MTA3: variants seen among roughly 807,000 people sequenced by gnomAD.
The protein encoded by MTA3 is metastasis-associated protein MTA3.
In MTA3, 34 loss-of-function variants were observed where a neutral mutation model predicts 83.5. The ratio of observed to expected loss-of-function variants is 0.41; its 90% CI spans 0.31 to 0.54. The LOEUF is 0.54. Among genes scored for constraint, MTA3 ranks in the 20% least tolerant of loss-of-function variants. The probability of loss-of-function intolerance (pLI) is 0.33; values close to 1 mark genes in which losing one functional copy is unlikely to be tolerated. For synonymous variants in MTA3, 303 were observed against 252.7 expected (o/e 1.20, Z -1.89); for missense variants, 761 against 726.4 (o/e 1.05, Z -0.55).
chr2:42,680,710 C>T (rs1027825759), intron 8 of MTA3, among the ~76,000 whole-genome samples: 3 of 152,128 alleles, frequency 2.0e-5, no homozygotes, highest in South Asian at 2.1e-4. Context: ...TTTCAAACCT[C>T]GAAGTTTTGG....
intron 3 of MTA3, among the ~76,000 whole-genome samples, chr2:42,585,476 C>CTTTTT (rs35808147): frequency 1.2e-4 from 14 of 119,004 alleles, no homozygotes; most frequent in Admixed American, 1.9e-4. Context: ...TCTTTCTTTT[C>CTTTTT]TTTTTTTTTT....
At chr2:42,636,861 G>C (rs188973930) in intron 4 of MTA3, among the ~76,000 whole-genome samples, 1 of 151,984 alleles carries the variant, frequency 6.6e-6, no homozygotes. Context: ...TCCTGACCTC[G>C]TGACCCGCCC....
chr2:42,619,867 C>T (rs1243999397), intron 4 of MTA3, among the ~76,000 whole-genome samples: 2 of 152,002 alleles, frequency 1.3e-5, no homozygotes, highest in African/African-American at 2.4e-5. Flanking sequence ...GGTACCAGGC[C>T]GAGCTAGTTA....
At chr2:42,601,876 G>T (rs117040162) in intron 3 of MTA3, among the ~76,000 whole-genome samples, 2 of 152,072 alleles carry the variant, frequency 1.3e-5, no homozygotes, top group Non-Finnish European at 2.9e-5. Context: ...GTCTTGCTCT[G>T]TTGTCCAGGT....
chr2:42,601,971 C>G (rs1348440704), intron 3 of MTA3, among the ~76,000 whole-genome samples: 1 of 152,186 alleles, frequency 6.6e-6, no homozygotes. Flanking sequence ...CCCTGAGTAG[C>G]TGGGATTACA....
At chr2:42,645,299 T>C (rs1295815361) in intron 6 of MTA3, among the ~76,000 whole-genome samples, 3 of 150,202 alleles carry the variant, frequency 2.0e-5, no homozygotes, top group African/African-American at 7.4e-5. Flanking sequence ...CCGCAGCAGG[T>C]GGATTACTTG....
intron 2 of MTA3, among the ~76,000 whole-genome samples, chr2:42,501,286 A>G (rs1674384719): frequency 6.6e-6 from 1 of 152,192 alleles, no homozygotes; most frequent in Non-Finnish European, 1.5e-5. Context: ...CTCTGGTCCT[A>G]TCTCTAGGCT....
intron 2 of MTA3, among the ~76,000 whole-genome samples, chr2:42,504,009 C>T (rs1259523475): frequency 2.0e-5 from 3 of 149,750 alleles, no homozygotes; most frequent in East Asian, 1.9e-4. Context: ...CTGCAACCTC[C>T]ACCTCCCGGG....
chr2:42,725,800 G>T (rs559234144), intron 16 of MTA3, among the ~76,000 whole-genome samples: 115 of 152,304 alleles, frequency 7.6e-4, no homozygotes, highest in African/African-American at 2.6e-3. Context: ...TCCTTCTAGC[G>T]CCCTGCTGGT....
chr2:42,713,068 T>A (rs1020198175), intron 14 of MTA3, among the ~76,000 whole-genome samples: 5 of 152,134 alleles, frequency 3.3e-5, no homozygotes, highest in African/African-American at 1.2e-4. Context: ...TAAATAGAAG[T>A]AGGTTTACTA....
Position 42,547,009 on chromosome 2 carries a change from G to C in MTA3, c.-140-23428G>C, listed in dbSNP as rs144256493. Among the ~76,000 whole-genome samples, 1,120 of 152,328 alleles carry C rather than the reference G, an allele frequency of 7.4e-3. 6 individuals carry two copies. The highest frequency in any genetic ancestry group is 0.018 in the South Asian group (85 of 4,824). On this transcript the variant is annotated intron_variant, in intron 2 of 17. Transcript: ENST00000405592. Reference sequence around the variant, plus strand: ...GGGGCTAATCTGCCAGGCTTCACGAGGATGTGGACTTTAAACTGCAGAGGT... The same window carrying C: ...GGGGCTAATCTGCCAGGCTTCACGACGATGTGGACTTTAAACTGCAGAGGT...
chr2:42,561,512 G>A (rs889278423), intron 2 of MTA3, among the ~76,000 whole-genome samples: 2 of 151,790 alleles, frequency 1.3e-5, no homozygotes, highest in Non-Finnish European at 2.9e-5. Flanking sequence ...TAGTAGAGAC[G>A]GGGTTTCACC....
chr2:42,518,997 ACACACACACAC>A, intron 2 of MTA3, among the ~76,000 whole-genome samples: 1 of 147,890 alleles, frequency 6.8e-6, no homozygotes, highest in African/African-American at 2.5e-5. Context: ...ACACACACAC[ACACACACACAC>A]ACACACACAC....
At chr2:42,704,659 G>T (rs888445852) in intron 12 of MTA3, among the ~76,000 whole-genome samples, 2 of 152,128 alleles carry the variant, frequency 1.3e-5, no homozygotes, top group Non-Finnish European at 2.9e-5. Flanking sequence ...TTCCCCTTTG[G>T]AGTTTCTCAG....
chr2:42,667,611 TAGAGAGAGAAAG>T (rs1690377636), intron 8 of MTA3, among the ~76,000 whole-genome samples: 1 of 120,598 alleles, frequency 8.3e-6, no homozygotes, highest in African/African-American at 3.5e-5. Context: ...TGTGTGTGTA[TAGAGAGAGAAAG>T]AGAGAGAGAG....
chr2:42,538,836 G>A (rs1217227316), intron 2 of MTA3, among the ~76,000 whole-genome samples: 3 of 147,154 alleles, frequency 2.0e-5, no homozygotes, highest in East Asian at 2.0e-4. Context: ...CTGCAGTGGC[G>A]CAATCTCGGC....
intron 8 of MTA3, among the ~76,000 whole-genome samples, chr2:42,679,225 A>G (rs1691649622): frequency 6.6e-6 from 1 of 152,200 alleles, no homozygotes; most frequent in African/African-American, 2.4e-5. Context: ...CACTGCGATT[A>G]TACTTAGAAA....
At position 42,751,923 on chromosome 2, in the gene MTA3, TAGC is replaced by T. The variant is rs1370745280; in HGVS notation, c.1760-1448_1760-1446del. Among the ~76,000 whole-genome samples the T allele has an allele frequency of 2.6e-4, 40 of 152,196 alleles. 1 individual carries two copies. The highest frequency in any genetic ancestry group is 5.6e-4 in the Non-Finnish European group (38 of 68,038). On this transcript the variant is annotated intron_variant, in intron 16 of 16. Coordinates refer to ENST00000405094, the MANE Select transcript of MTA3 (RefSeq NM_001330442.2). Reference sequence around the variant, plus strand: ...GGTCAGGATGCTCTTACTGGGCTGTTAGCAGAACACTGGGCTGGATGGAGAATG... The same window carrying T: ...GGTCAGGATGCTCTTACTGGGCTGTTAGAACACTGGGCTGGATGGAGAATG...
chr2:42,544,176 G>A (rs1054848330), intron 2 of MTA3, among the ~76,000 whole-genome samples: 1 of 151,988 alleles, frequency 6.6e-6, no homozygotes, highest in Non-Finnish European at 1.5e-5. Context: ...GGCCTGGCAC[G>A]GTGGCTCACG....
Sources: allele counts gnomAD v4.1 joint callset (sites outside exome capture counted in the v4.1 genomes callset), GRCh38; gene constraint gnomAD v4.1.1; transcripts MANE v1.5; gene names NCBI Gene and HGNC (gene_info 2026-07-23, HGNC 2026-07-21).